The following NECTIN2 variants were observed in gnomAD, a reference collection of about 807,000 sequenced individuals.
NECTIN2 encodes the protein nectin cell adhesion molecule 2.
Under a neutral mutation model 56.9 loss-of-function variants are expected in NECTIN2, and 23 were observed. The observed-to-expected ratio is 0.40, with a 90% CI of 0.29 to 0.57. NECTIN2 has a LOEUF of 0.57. Among genes scored for constraint, NECTIN2 ranks in the 20% least tolerant of loss-of-function variants. The pLI, the probability that NECTIN2 is intolerant of heterozygous loss-of-function variation, is 0.38. For synonymous variants in NECTIN2, 302 were observed against 313.8 expected (o/e 0.96, Z 0.40); for missense variants, 587 against 718.3 (o/e 0.82, Z 2.09).
intron 6 of NECTIN2, among the ~76,000 whole-genome samples, chr19:44,883,405 G>A (rs1969329145): frequency 6.6e-6 from 1 of 152,204 alleles, no homozygotes; most frequent in Non-Finnish European, 1.5e-5. Context: ...CTCTCGAGTA[G>A]CTGGGATTAC....
chr19:44,855,893 A>G (rs1406445570), intron 1 of NECTIN2, among the ~76,000 whole-genome samples: 1 of 152,130 alleles, frequency 6.6e-6, no homozygotes, highest in African/African-American at 2.4e-5. Flanking sequence ...TTGAGTAACT[A>G]TTTGTTTTTT....
rs556857288 is a variant in NECTIN2, at chr19:44,880,557, G to A, written c.1043-1654G>A. On this transcript the variant is annotated intron_variant, in intron 5 of 8. Transcript: ENST00000252483. ...GGCTGGAGTGCAGTGGTACGATCTC[G>A]GCTCACTGCACCCTCCACCTCCCAA... is the stretch of plus-strand genomic sequence containing the variant. 2.3e-4 allele frequency among the ~76,000 whole-genome samples: 30 copies of A among 131,116 alleles called. No individual in the cohort carries two copies. The Admixed American group carries it at 2.3e-3, about 10-fold the overall frequency. 86.0% of individuals were successfully genotyped at this position (131,116 alleles called of 152,430 possible).
At chr19:44,885,813 C>A in intron 6 of NECTIN2, 124 bp from the exon 7 acceptor site, 1 of 786,604 alleles carries the variant, frequency 1.3e-6, no homozygotes. Context: ...AACTCTTACT[C>A]CAGGCAAGAA....
At chr19:44,883,137 A>G (rs1969326717) in intron 6 of NECTIN2, among the ~76,000 whole-genome samples, 1 of 152,196 alleles carries the variant, frequency 6.6e-6, no homozygotes. Flanking sequence ...AATTTACATT[A>G]AAATAACGTA....
At position 44,874,250 on chromosome 19, in the gene NECTIN2, G is replaced by C; in HGVS notation, c.894-80G>C. The stretch of plus-strand genomic sequence containing the variant: ...TTAGGTCCCTGGAGCTTGGCTCCTG[G>C]TGGGTGTATCTTTAGGGATGAGGCC... On this transcript the variant is annotated intron_variant, in intron 4 of 8. Coordinates refer to ENST00000252483, the MANE Select transcript of NECTIN2 (RefSeq NM_001042724.2). The surrounding 1 kb of genome is among the most constrained non-coding windows in gnomAD (Gnocchi z 6.3). 1 of 1,524,648 alleles carries C rather than the reference G, an allele frequency of 6.6e-7. No individual in the cohort carries two copies. Among genetic ancestry groups the C allele is most frequent in the Middle Eastern group, 1.9e-4 (1 of 5,370 alleles). 94.4% of individuals were successfully genotyped at this position (1,524,648 alleles called of 1,614,324 possible).
In NECTIN2 at chr19:44,875,558, G is replaced by A. The variant is rs1024329304; in HGVS notation, c.1042+1080G>A. ...TGGGATTATATGCATGAGCCACTGCGCCTGGCCAGAAAAAGACATTCTTAG... is the reference window on the plus strand; with the variant it reads ...TGGGATTATATGCATGAGCCACTGCACCTGGCCAGAAAAAGACATTCTTAG... On this transcript the variant is annotated intron_variant, in intron 5 of 8. Coordinates refer to ENST00000252483, the MANE Select transcript of NECTIN2 (RefSeq NM_001042724.2). The surrounding 1 kb of genome is among the most constrained non-coding windows in gnomAD (Gnocchi z 4.2). 2.0e-5 allele frequency among the ~76,000 whole-genome samples: 3 copies of A among 152,186 alleles called. No homozygotes were observed. The highest frequency in any genetic ancestry group is 6.5e-5 in the Admixed American group (1 of 15,274).
intron 1 of NECTIN2, among the ~76,000 whole-genome samples, chr19:44,863,464 G>A (rs1283371496): frequency 2.0e-5 from 3 of 152,104 alleles, no homozygotes; most frequent in Non-Finnish European, 4.4e-5. Context: ...TGGGTACGCT[G>A]TTTGCTATTC....
Position 44,874,568 on chromosome 19 carries a change from C to G in NECTIN2, c.1042+90C>G. On this transcript the variant is annotated intron_variant, in intron 5 of 8. Coordinates refer to ENST00000252483, the MANE Select transcript of NECTIN2 (RefSeq NM_001042724.2). The surrounding 1 kb of genome is among the most constrained non-coding windows in gnomAD (Gnocchi z 6.3). ...GGACTTGGGGCTGCACTGGGGGAGG[C>G]TGCGCCGCCGACCTGGGAGGGATGC... is the stretch of plus-strand genomic sequence containing the variant. 6.6e-7 allele frequency: 1 copy of G among 1,520,372 alleles called. No individual in the cohort carries two copies. Among genetic ancestry groups the G allele is most frequent in the East Asian group, 2.3e-5 (1 of 43,958 alleles). 94.2% of individuals were successfully genotyped at this position (1,520,372 alleles called of 1,614,324 possible). A position where few individuals can be genotyped will look rare whatever the true frequency, so the allele number is the denominator to read the frequency against.
At chr19:44,868,326 T>C (rs1358994445) in intron 2 of NECTIN2, among the ~76,000 whole-genome samples, 7 of 139,852 alleles carry the variant, frequency 5.0e-5, no homozygotes, top group Non-Finnish European at 1.5e-5. Context: ...ATTGCACCAC[T>C]GCACTCCAGC....
chr19:44,885,949 T>C lies in NECTIN2; in HGVS notation c.1209T>C (p.Pro403=). 6.3e-7 allele frequency: 1 copy of C among 1,590,478 alleles called. No individual in the cohort carries two copies. Among genetic ancestry groups the C allele is most frequent in the Non-Finnish European group, 8.6e-7 (1 of 1,158,780 alleles). The change falls in exon 7 of 9, where the codon CCT becomes CCC. Residue 403 remains proline (P), a synonymous_variant. Transcript: ENST00000252483. The part of the protein sequence containing the change: ...GAEEDEDLEG[P]PSYKPPTPKA... ...TCCTACCCCACAGCCTGGAGGGACC[T>C]CCCTCCTACAAGCCACCGACCCCAA...
rs139448288 is a variant in NECTIN2 at position 44,874,354 on chromosome 19, C to T, written c.918C>T (p.Ser306=). ...WSTTSGTFPT[S]AVAQGSQLVI... ...GGACCTCAGGCACCTTCCCGACCTCCGCAGTGGCCCAGGGCTCCCAGCTGG... is the reference window on the plus strand; with the variant it reads ...GGACCTCAGGCACCTTCCCGACCTCTGCAGTGGCCCAGGGCTCCCAGCTGG... Residue 306 remains serine, a synonymous_variant, in exon 5 of 9, where the codon TCC becomes TCT. Coordinates refer to ENST00000252483, the MANE Select transcript of NECTIN2 (RefSeq NM_001042724.2). This position sits in a 1 kb window ranked among gnomAD's most constrained non-coding sequence, Gnocchi z 6.3. The T allele has an allele frequency of 5.6e-5, 90 of 1,614,146 alleles. No homozygotes were observed. Among genetic ancestry groups the T allele is most frequent in the Middle Eastern group, 3.3e-4 (2 of 6,062 alleles).
intron 6 of NECTIN2, among the ~76,000 whole-genome samples, chr19:44,885,027 G>A (rs549408192): frequency 3.4e-5 from 5 of 148,244 alleles, no homozygotes; most frequent in African/African-American, 9.9e-5. Context: ...GTGGAGTTTC[G>A]CTCTTTTTTC....
At chr19:44,886,261 G>A in intron 8 of NECTIN2, 42 bp downstream of exon 8, 2 of 1,523,048 alleles carry the variant, frequency 1.3e-6, no homozygotes, top group South Asian at 1.1e-5. Context: ...GGGGGTCTGG[G>A]TTGAAGGGCC....
At chr19:44,855,538 G>A (rs1968956295) in intron 1 of NECTIN2, among the ~76,000 whole-genome samples, 1 of 152,148 alleles carries the variant, frequency 6.6e-6, no homozygotes, top group South Asian at 2.1e-4. Context: ...CCTCCAGGAA[G>A]CTCTTCTTTC....
rs1161644641 is a variant in NECTIN2, at chr19:44,875,941, G to A, written c.1042+1463G>A. Among the ~76,000 whole-genome samples, 1 of 152,120 alleles carries A rather than the reference G, an allele frequency of 6.6e-6. No homozygotes were observed. Among genetic ancestry groups the A allele is most frequent in the East Asian group, 1.9e-4 (1 of 5,180 alleles). On this transcript the variant is annotated intron_variant, in intron 5 of 8. Transcript: ENST00000252483. The surrounding 1 kb of genome is among the most constrained non-coding windows in gnomAD (Gnocchi z 4.2). ...TGAGGATGCACATAAGTCCCCGGAG[G>A]AAGACGTCACACAGACACGCTGGGG...
intron 1 of NECTIN2, among the ~76,000 whole-genome samples, chr19:44,858,735 C>T (rs747112362): frequency 5.9e-5 from 9 of 151,796 alleles, no homozygotes; most frequent in Non-Finnish European, 8.8e-5. Context: ...CTCCACCTCC[C>T]GGGTTCAAGC....
At chr19:44,871,344 T>C (rs1969172218) in intron 2 of NECTIN2, among the ~76,000 whole-genome samples, 1 of 151,992 alleles carries the variant, frequency 6.6e-6, no homozygotes, top group Admixed American at 6.6e-5. Flanking sequence ...CTGGGCAACA[T>C]AGCAAGAACT....
At chr19:44,882,615 A>G (rs2122710315) in intron 6 of NECTIN2, among the ~76,000 whole-genome samples, 1 of 134,668 alleles carries the variant, frequency 7.4e-6, no homozygotes, top group Middle Eastern at 4.4e-3. Context: ...TTGGAGGCTG[A>G]GGTGGGGAGA....
In NECTIN2 at chr19:44,888,524, C is replaced by T; in HGVS notation, c.*145C>T. The T allele has an allele frequency of 1.2e-6, 1 of 854,792 alleles. No homozygotes were observed. The highest frequency in any genetic ancestry group is 2.8e-5 in the Admixed American group (1 of 36,030). 53.0% of individuals were successfully genotyped at this position (854,792 alleles called of 1,614,324 possible). On this transcript the variant is annotated 3_prime_UTR_variant, in exon 9 of 9. Transcript: ENST00000252483. ...TGTGATGTCTACCTTGGTGGCTCCA[C>T]TATGACCCCTAACCCATGAGCCCAG...
Sources: allele counts gnomAD v4.1 joint callset (sites outside exome capture counted in the v4.1 genomes callset), GRCh38; gene constraint gnomAD v4.1.1; non-coding constraint Gnocchi (gnomAD v3.1); transcripts MANE v1.5; gene names NCBI Gene and HGNC (gene_info 2026-07-23, HGNC 2026-07-21).